ABCA12: variants seen among roughly 807,000 people sequenced by gnomAD.
The protein encoded by ABCA12 is ATP binding cassette subfamily A member 12.
A neutral mutation model predicts 293.5 loss-of-function variants in ABCA12; 156 were observed. The observed-to-expected ratio is 0.53, with a 90% confidence interval of 0.47 to 0.61. The LOEUF is 0.61. ABCA12 is among the 20% of genes least tolerant of loss of function. The pLI is 0.00. For synonymous variants in ABCA12, 1,063 were observed against 1,108.0 expected, an observed-to-expected ratio of 0.96 and a Z score of 0.81; for missense variants, 2,797 against 3,090.2, an observed-to-expected ratio of 0.91 and a Z score of 2.25.
chr2:215,096,344 C>T (rs1702249458), intron 2 of ABCA12, among the ~76,000 whole-genome samples: 1 of 152,134 alleles, frequency 6.6e-6, no homozygotes, highest in South Asian at 2.1e-4. Context: ...GAATTGAGTA[C>T]CCTGATCAAA....
intron 50 of ABCA12, among the ~76,000 whole-genome samples, chr2:214,939,875 G>C (rs1013017863): frequency 6.6e-6 from 1 of 152,112 alleles, no homozygotes; most frequent in Non-Finnish European, 1.5e-5. Flanking sequence ...GAGAAGATGG[G>C]GTTTTCTAAA....
chr2:215,018,638 A>G (rs13385378), intron 13 of ABCA12, among the ~76,000 whole-genome samples: 2,847 of 152,296 alleles, frequency 0.019, 92 homozygotes, highest in African/African-American at 0.065. Context: ...TTTTAAATAG[A>G]ACGTGTTTAA....
At position 214,973,940 on chromosome 2, in the gene ABCA12, C is replaced by T; in HGVS notation, c.5562+9G>A. 1.2e-6 allele frequency: 2 copies of T among 1,610,770 alleles called. No homozygotes were observed. The highest frequency in any genetic ancestry group is 3.3e-4 in the Middle Eastern group (2 of 6,054). On this transcript the variant is annotated intron_variant, in intron 36 of 52. Coordinates refer to ENST00000272895, the MANE Select transcript of ABCA12 (RefSeq NM_173076.3). ...TTTCCCATTTCACTGAAACTGAATT[C>T]CATCTTACCTGGACATTTTCTGAGC... is the stretch of plus-strand genomic sequence containing the variant.
intron 2 of ABCA12, among the ~76,000 whole-genome samples, chr2:215,088,434 G>A (rs1003647168): frequency 1.3e-5 from 2 of 152,166 alleles, no homozygotes; most frequent in Non-Finnish European, 2.9e-5. Flanking sequence ...TCCCACATTA[G>A]GCAACGGCCA....
rs1700066734 is a variant in ABCA12, at chr2:214,997,781, G to A, written c.3208C>T (p.Pro1070Ser). The stretch of plus-strand genomic sequence containing the variant: ...ACCCAGGCAACCATAAGCACAATTG[G>A]AAGAGAATAAGAGACACTGGTTAGG... Reference protein sequence around the residue: ...NFLTSVSYSLPIVLMVAWVVF... With the variant: ...NFLTSVSYSLSIVLMVAWVVF... Residue 1070 changes from proline to serine, a missense_variant, in exon 23 of 53, where the codon CCA becomes TCA. Transcript: ENST00000272895. 6.2e-7 allele frequency: 1 copy of A among 1,613,154 alleles called. No homozygotes were observed. Among genetic ancestry groups the A allele is most frequent in the Admixed American group, 1.7e-5 (1 of 59,960 alleles).
intron 28 of ABCA12, among the ~76,000 whole-genome samples, chr2:214,986,187 C>A (rs762954984): frequency 1.3e-5 from 2 of 152,088 alleles, no homozygotes; most frequent in Non-Finnish European, 2.9e-5. Context: ...AGGGATGAGC[C>A]AGAAAACAGA....
At chr2:215,003,344 C>T (rs528411461) in intron 20 of ABCA12, among the ~76,000 whole-genome samples, 204 of 152,258 alleles carry the variant, frequency 1.3e-3, no homozygotes, top group Middle Eastern at 3.4e-3. Flanking sequence ...TCTTCTGCAG[C>T]CTCTTCCTTT....
intron 2 of ABCA12, among the ~76,000 whole-genome samples, chr2:215,064,459 G>GT (rs1389830343): frequency 6.6e-6 from 1 of 151,858 alleles, no homozygotes; most frequent in East Asian, 1.9e-4. Context: ...AAAATGCCTG[G>GT]TTACCCCATG....
intron 30 of ABCA12, 95 bp from the exon 31 acceptor site, chr2:214,980,738 A>C: frequency 6.8e-7 from 1 of 1,469,772 alleles, no homozygotes; most frequent in Non-Finnish European, 9.5e-7. Context: ...GTGACATCTG[A>C]GAAGAGTCAC....
intron 34 of ABCA12, among the ~76,000 whole-genome samples, chr2:214,975,326 G>A (rs1372401865): frequency 6.6e-6 from 1 of 152,122 alleles, no homozygotes; most frequent in African/African-American, 2.4e-5. Flanking sequence ...AAGAAAGAAA[G>A]GTATCACAGG....
intron 2 of ABCA12, among the ~76,000 whole-genome samples, chr2:215,104,257 T>G (rs1231373005): frequency 3.3e-5 from 5 of 152,226 alleles, no homozygotes; most frequent in Admixed American, 3.3e-4. Context: ...TTCCTTACTC[T>G]TAATTTTTCT....
chr2:215,027,140 C>T (rs889528702), intron 9 of ABCA12, among the ~76,000 whole-genome samples: 2 of 151,928 alleles, frequency 1.3e-5, no homozygotes, highest in African/African-American at 4.8e-5. Context: ...GTCACGAGAT[C>T]GAGACCATCT....
intron 1 of ABCA12, among the ~76,000 whole-genome samples, chr2:215,120,992 C>T (rs545531529): frequency 1.3e-5 from 2 of 152,314 alleles, no homozygotes; most frequent in African/African-American, 2.4e-5. Flanking sequence ...TTAATGTCAG[C>T]ATTCAATACA....
chr2:214,963,193 G>A (rs555243674), intron 39 of ABCA12: 2 of 151,736 alleles, frequency 1.3e-5, no homozygotes, highest in Admixed American at 6.6e-5. Context: ...AGAAAAGAGA[G>A]AAGAGTCAAA....
At chr2:214,967,390 A>G (rs902511818) in intron 38 of ABCA12, among the ~76,000 whole-genome samples, 3 of 152,158 alleles carry the variant, frequency 2.0e-5, no homozygotes, top group African/African-American at 7.2e-5. Context: ...TCCTTAGCAC[A>G]AGATTGAAAG....
chr2:215,093,717 A>T (rs1702194919), intron 2 of ABCA12, among the ~76,000 whole-genome samples: 1 of 152,018 alleles, frequency 6.6e-6, no homozygotes, highest in Non-Finnish European at 1.5e-5. Context: ...TCTTCCTCAC[A>T]CCTGATGCAT....
Position 215,095,548 on chromosome 2 carries a change from G to A in ABCA12, c.163+16049C>T, listed in dbSNP as rs562287261. Among the ~76,000 whole-genome samples the A allele has an allele frequency of 1.0e-3, 159 of 152,112 alleles. 1 individual carries two copies. The highest frequency in any genetic ancestry group is 3.0e-3 in the African/African-American group (125 of 41,504). ...TCCCACACCTCCCCTAATCCTGCTC[G>A]AAGCAGCCCTGAGAGACATCACGCA... On this transcript the variant is annotated intron_variant, in intron 2 of 52. Transcript: ENST00000272895.
intron 39 of ABCA12, chr2:214,962,129 G>A (rs147162074): frequency 6.6e-5 from 10 of 152,166 alleles, no homozygotes; most frequent in Admixed American, 2.0e-4. Context: ...AACAATTTGC[G>A]CAAGGCTCAA....
chr2:215,051,456 A>G (rs1345881837), intron 5 of ABCA12, among the ~76,000 whole-genome samples: 2 of 152,154 alleles, frequency 1.3e-5, no homozygotes, highest in African/African-American at 4.8e-5. Flanking sequence ...TGCCTCAGTT[A>G]AACAGAGTAT....
Sources: gnomAD v4.1 joint callset for allele counts (sites outside exome capture counted in the v4.1 genomes callset) on GRCh38, gnomAD v4.1.1 for gene constraint, MANE v1.5 for transcripts, NCBI Gene and HGNC (gene_info 2026-07-23, HGNC 2026-07-21) for gene names.